The following NEGR1 variants were observed in gnomAD, a reference collection of about 807,000 sequenced individuals.
The protein encoded by NEGR1 is neuronal growth regulator 1, also known as IgLON family member 4.
In NEGR1, 10 loss-of-function variants were observed where a neutral mutation model predicts 40.9. That is an observed-to-expected ratio of 0.24 (90% CI 0.15 to 0.42). The LOEUF (loss-of-function observed/expected upper bound fraction) is 0.42, where lower values mean the gene tolerates loss of function less well. Ranked by LOEUF, NEGR1 falls within the 10% of genes least tolerant of loss-of-function variation. NEGR1 has a pLI of 1.00. For synonymous variants in NEGR1, 185 were observed against 166.8 expected, an observed-to-expected ratio of 1.11 and a Z score of -0.84; for missense variants, 352 against 438.9, an observed-to-expected ratio of 0.80 and a Z score of 1.77.
At chr1:72,013,379 C>G (rs1307951438) in intron 1 of NEGR1, among the ~76,000 whole-genome samples, 1 of 152,118 alleles carries the variant, frequency 6.6e-6, no homozygotes, top group African/African-American at 2.4e-5. Flanking sequence ...AGAACAGTCT[C>G]ATCCAGTGCT....
chr1:71,768,078 T>C (rs191550637), intron 3 of NEGR1, among the ~76,000 whole-genome samples: 1 of 152,288 alleles, frequency 6.6e-6, no homozygotes, highest in East Asian at 1.9e-4. Flanking sequence ...GGAACCTTCA[T>C]GAATAACTCT....
rs548628106 is a variant in NEGR1 at position 71,946,676 on chromosome 1, GTAAAATGCTGTATA to G, written c.177-11379_177-11366del. Among the ~76,000 whole-genome samples the G allele has an allele frequency of 1.9e-3, 295 of 151,780 alleles. 6 individuals are homozygous for G. Among genetic ancestry groups the G allele is most frequent in the Admixed American group, 0.017 (261 of 15,242 alleles). On this transcript the variant is annotated intron_variant, in intron 1 of 6. Coordinates refer to ENST00000357731, the MANE Select transcript of NEGR1 (RefSeq NM_173808.3). ...TTATTGATATCCTATCTTTTCTACT[GTAAAATGCTGTATA>G]TAAATTAGCATTAAAATATGTCTTG... is the stretch of plus-strand genomic sequence containing the variant.
chr1:71,510,711 T>A (rs933357395), intron 6 of NEGR1, among the ~76,000 whole-genome samples: 12 of 152,150 alleles, frequency 7.9e-5, no homozygotes, highest in African/African-American at 2.4e-4. Context: ...GGGACTTGCG[T>A]TCTAGGAGAT....
intron 1 of NEGR1, among the ~76,000 whole-genome samples, chr1:72,080,131 T>C (rs1366093293): frequency 6.6e-6 from 1 of 152,136 alleles, no homozygotes; most frequent in East Asian, 1.9e-4. Context: ...GCTATTATTG[T>C]TGGTCTTCAC....
chr1:72,156,539 G>T (rs1367456954), intron 1 of NEGR1, among the ~76,000 whole-genome samples: 1 of 152,078 alleles, frequency 6.6e-6, no homozygotes, highest in Non-Finnish European at 1.5e-5. Context: ...ACTATCTATG[G>T]CAGATGCTAT....
intron 3 of NEGR1, among the ~76,000 whole-genome samples, chr1:71,730,758 C>T (rs140198394): frequency 1.5e-4 from 23 of 151,718 alleles, no homozygotes; most frequent in African/African-American, 5.1e-4. Flanking sequence ...TCAATATTCA[C>T]AAACATCTGT....
At chr1:72,131,684 T>G (rs1650255490) in intron 1 of NEGR1, among the ~76,000 whole-genome samples, 1 of 152,200 alleles carries the variant, frequency 6.6e-6, no homozygotes, top group Non-Finnish European at 1.5e-5. Flanking sequence ...CAAGATAACC[T>G]TATAATGTTA....
chr1:72,029,383 TATA>T (rs1646838452), intron 1 of NEGR1, among the ~76,000 whole-genome samples: 1 of 152,168 alleles, frequency 6.6e-6, no homozygotes, highest in South Asian at 2.1e-4. Context: ...GTATTGTTTT[TATA>T]ATGATCAAGG....
At chr1:71,839,448 C>T (rs982499191) in intron 2 of NEGR1, among the ~76,000 whole-genome samples, 3 of 151,568 alleles carry the variant, frequency 2.0e-5, no homozygotes, top group East Asian at 2.0e-4. Flanking sequence ...GGACCTCAGG[C>T]GATCCACCCA....
At chr1:71,568,675 T>A (rs1011229974) in intron 6 of NEGR1, among the ~76,000 whole-genome samples, 4 of 152,246 alleles carry the variant, frequency 2.6e-5, no homozygotes, top group Admixed American at 6.5e-5. Context: ...TCTATATACA[T>A]ATATTGTTTG....
chr1:71,593,019 C>A, intron 5 of NEGR1, 51 bp from the exon 6 acceptor site: 1 of 1,386,244 alleles, frequency 7.2e-7, no homozygotes, highest in Non-Finnish European at 1.0e-6. Context: ...ATACCAGTTT[C>A]ATTTTTTTAT....
At chr1:72,055,247 A>C (rs1015641078) in intron 1 of NEGR1, among the ~76,000 whole-genome samples, 3 of 151,230 alleles carry the variant, frequency 2.0e-5, no homozygotes, top group Non-Finnish European at 4.5e-5. Flanking sequence ...GTTTACATTA[A>C]AGACTAAGTT....
chr1:72,008,006 A>T (rs574137336), intron 1 of NEGR1, among the ~76,000 whole-genome samples: 26 of 152,290 alleles, frequency 1.7e-4, no homozygotes, highest in African/African-American at 5.5e-4. Flanking sequence ...TTAAAAAGTT[A>T]TCCTGTGTGT....
chr1:71,415,656 T>A (rs1030737212), intron 6 of NEGR1, among the ~76,000 whole-genome samples: 1 of 152,190 alleles, frequency 6.6e-6, no homozygotes, highest in Non-Finnish European at 1.5e-5. Flanking sequence ...CCTTCCTAGT[T>A]GCTGAAATAA....
At chr1:71,819,508 T>G (rs1454674617) in intron 2 of NEGR1, among the ~76,000 whole-genome samples, 1 of 151,718 alleles carries the variant, frequency 6.6e-6, no homozygotes, top group African/African-American at 2.4e-5. Flanking sequence ...CTCTTGGAAA[T>G]TAAGCAAGTA....
chr1:71,852,996 G>A (rs897036516), intron 2 of NEGR1, among the ~76,000 whole-genome samples: 1 of 152,046 alleles, frequency 6.6e-6, no homozygotes, highest in African/African-American at 2.4e-5. Context: ...AACGAATTTG[G>A]ACATTTAAAG....
At chr1:72,019,812 C>A (rs1015184949) in intron 1 of NEGR1, among the ~76,000 whole-genome samples, 8 of 152,156 alleles carry the variant, frequency 5.3e-5, no homozygotes, top group Non-Finnish European at 1.0e-4. Flanking sequence ...TTTGTTTCAT[C>A]ATCTGTACTT....
chr1:71,834,392 C>A lies in NEGR1; in HGVS notation c.410-58095G>T, dbSNP rs1425286092. Among the ~76,000 whole-genome samples the A allele has an allele frequency of 3.3e-5, 5 of 151,988 alleles. No individual in the cohort carries two copies. The East Asian group carries it at 9.7e-4, about 29-fold the overall frequency. On this transcript the variant is annotated intron_variant, in intron 2 of 6. Transcript: ENST00000357731. ...CCTCCCCAGTGTGGGTGGGCACCAT[C>A]CAATCCATGGAGGACCTGAAGAGAT...
intron 1 of NEGR1, among the ~76,000 whole-genome samples, chr1:72,251,938 A>C (rs369329838): frequency 2.4e-3 from 364 of 152,264 alleles, no homozygotes; most frequent in South Asian, 5.6e-3. Context: ...TTCTTTAGAA[A>C]ACTTTCAGCA....
Sources: gnomAD v4.1 joint callset for allele counts (sites outside exome capture counted in the v4.1 genomes callset) on GRCh38, gnomAD v4.1.1 for gene constraint, MANE v1.5 for transcripts, NCBI Gene and HGNC (gene_info 2026-07-23, HGNC 2026-07-21) for gene names.